The following MEF2A variants were observed in gnomAD, a reference collection of about 807,000 sequenced individuals.
MEF2A encodes myocyte-specific enhancer factor 2A.
Under a neutral mutation model 55.8 loss-of-function variants are expected in MEF2A, and 28 were observed. The observed-to-expected ratio is 0.50, with a 90% CI of 0.37 to 0.69. The LOEUF (loss-of-function observed/expected upper bound fraction) is 0.69. MEF2A is among the 30% of genes least tolerant of loss of function. The pLI, the probability that MEF2A is intolerant of heterozygous loss-of-function variation, is 0.00. For synonymous variants in MEF2A, 239 were observed against 227.1 expected (o/e 1.05, Z -0.47); for missense variants, 528 against 626.2 (o/e 0.84, Z 1.67).
rs1422069737 is a variant in MEF2A, at chr15:99,679,327, C to CT, written c.670+3870dup. Among the ~76,000 whole-genome samples the CT allele has an allele frequency of 3.9e-5, 6 of 152,310 alleles. No homozygotes were observed. In the East Asian group the frequency reaches 9.6e-4, roughly 24 times the overall value. ...CATTGTCTAGAAATAGTACAGATCTCTGTCAACAGTAGAATGGATAAATAT... is the reference window on the plus strand; with the variant it reads ...CATTGTCTAGAAATAGTACAGATCTCTTGTCAACAGTAGAATGGATAAATAT... On this transcript the variant is annotated intron_variant, in intron 7 of 11. Coordinates refer to ENST00000557942, the MANE Select transcript of MEF2A (RefSeq NM_001319206.4).
In MEF2A at chr15:99,686,930, T is replaced by A. The variant is rs550858122; in HGVS notation, c.671-3311T>A. On this transcript the variant is annotated intron_variant, in intron 7 of 11. Transcript: ENST00000557942. ...CATTTTTGTTTTTTGATTTTTTTTT[T>A]AATTTGTCTTTGTTCGATTGGATTA... 5.9e-5 allele frequency among the ~76,000 whole-genome samples: 9 copies of A among 151,914 alleles called. No individual in the cohort carries two copies. The East Asian group carries it at 9.7e-4, about 16-fold the overall frequency.
At position 99,637,310 on chromosome 15, in the gene MEF2A, A is replaced by G. The variant is rs115758390; in HGVS notation, c.54+4137A>G. On this transcript the variant is annotated intron_variant, in intron 3 of 11. Coordinates refer to ENST00000557942, the MANE Select transcript of MEF2A (RefSeq NM_001319206.4). ...CAGTGTCAAGTCTTGTAATCTATGA[A>G]CATGTTTGTATTTCATTTGGTTTTC... is the stretch of plus-strand genomic sequence containing the variant. Among the ~76,000 whole-genome samples, 516 of 152,246 alleles carry G rather than the reference A, an allele frequency of 3.4e-3. 3 individuals carry two copies. The highest frequency in any genetic ancestry group is 0.011 in the African/African-American group (470 of 41,556).
At chr15:99,567,350 A>G in intron 1 of MEF2A, among the ~76,000 whole-genome samples, 1 of 152,266 alleles carries the variant, frequency 6.6e-6, no homozygotes. Context: ...ATCATCTATT[A>G]CTATATGAAG....
chr15:99,670,263 G>GA (rs369246024), intron 4 of MEF2A, among the ~76,000 whole-genome samples: 48 of 150,904 alleles, frequency 3.2e-4, no homozygotes, highest in Non-Finnish European at 5.8e-4. Flanking sequence ...ATTATACTAA[G>GA]AAAAAAAAAG....
intron 4 of MEF2A, among the ~76,000 whole-genome samples, chr15:99,658,310 A>G (rs2048079732): frequency 1.3e-5 from 2 of 152,352 alleles, no homozygotes; most frequent in South Asian, 2.1e-4. Context: ...TGCAGTAAAC[A>G]TGGTGGAAGT....
chr15:99,598,801 GAA>G (rs1443191354), intron 2 of MEF2A, among the ~76,000 whole-genome samples: 3 of 151,834 alleles, frequency 2.0e-5, no homozygotes, highest in Non-Finnish European at 4.4e-5. Flanking sequence ...TTTGAAGAAA[GAA>G]GAAAAAAAAT....
chr15:99,637,681 C>T (rs751176260), intron 3 of MEF2A, among the ~76,000 whole-genome samples: 8 of 151,872 alleles, frequency 5.3e-5, no homozygotes, highest in Non-Finnish European at 1.2e-4. Context: ...CTCGCTCTGT[C>T]GCCCAGGATG....
rs112032286 is a variant in MEF2A, at chr15:99,629,286, G to C, written c.-142-3692G>C. ...AAAATCCTAAGGAAATTGAACACTC[G>C]AACAAAGGATTCTTAGCAAAGCAAT... On this transcript the variant is annotated intron_variant, in intron 2 of 11. Coordinates refer to ENST00000557942, the MANE Select transcript of MEF2A (RefSeq NM_001319206.4). 2.0e-5 allele frequency among the ~76,000 whole-genome samples: 3 copies of C among 152,058 alleles called. No individual in the cohort carries two copies. In the East Asian group the frequency reaches 5.8e-4, roughly 29 times the overall value.
At chr15:99,596,903 G>T (rs992522674) in intron 1 of MEF2A, among the ~76,000 whole-genome samples, 4 of 152,164 alleles carry the variant, frequency 2.6e-5, no homozygotes, top group Non-Finnish European at 5.9e-5. Context: ...GGATTGTGAA[G>T]ATTTCATGGA....
chr15:99,679,217 T>G (rs2052725092), intron 7 of MEF2A, among the ~76,000 whole-genome samples: 1 of 152,222 alleles, frequency 6.6e-6, no homozygotes, highest in Non-Finnish European at 1.5e-5. Flanking sequence ...TTTTCACTCA[T>G]CCTTATGTAC....
rs1265683030 is a variant in MEF2A at position 99,713,326 on chromosome 15, AAAAC to A, written c.*563_*566del. The A allele has an allele frequency of 1.9e-5, 5 of 268,670 alleles. No homozygotes were observed. Among genetic ancestry groups the A allele is most frequent in the African/African-American group, 8.8e-5 (4 of 45,680 alleles). The allele number at this position is 268,670 out of a possible 1,614,324, so 16.6% of individuals were successfully genotyped here. On this transcript the variant is annotated 3_prime_UTR_variant, in exon 12 of 12. Transcript: ENST00000557942. ...GCATGGGAAAGGGCTGTTGATATTA[AAAAC>A]AAACAAAACAAAAAAGCCCCACACA...
At chr15:99,676,540 C>T (rs1381589250) in intron 7 of MEF2A, among the ~76,000 whole-genome samples, 1 of 151,652 alleles carries the variant, frequency 6.6e-6, no homozygotes, top group Non-Finnish European at 1.5e-5. Flanking sequence ...CAGTTCTTCT[C>T]AGTAGTGACA....
chr15:99,653,293 A>G (rs2047151263), intron 4 of MEF2A, among the ~76,000 whole-genome samples: 1 of 152,214 alleles, frequency 6.6e-6, no homozygotes, highest in African/African-American at 2.4e-5. Flanking sequence ...AAAATTAAAG[A>G]GACAGCTGTA....
At chr15:99,706,275 C>A (rs566637643) in intron 9 of MEF2A, among the ~76,000 whole-genome samples, 2 of 152,344 alleles carry the variant, frequency 1.3e-5, no homozygotes, top group South Asian at 4.1e-4. Flanking sequence ...GACTTCAAAC[C>A]GTGTTAACAC....
chr15:99,596,363 T>G (rs1971169465), intron 1 of MEF2A, among the ~76,000 whole-genome samples: 1 of 152,136 alleles, frequency 6.6e-6, no homozygotes, highest in Non-Finnish European at 1.5e-5. Context: ...AAAGCTGAAA[T>G]TGGTGTTTTA....
intron 7 of MEF2A, among the ~76,000 whole-genome samples, chr15:99,684,928 G>A (rs117340506): frequency 0.029 from 4,341 of 152,242 alleles, 82 homozygotes; most frequent in Non-Finnish European, 0.044. Flanking sequence ...TATTATGCCA[G>A]CACCATTTGC....
At chr15:99,571,609 T>C (rs1052989661) in intron 1 of MEF2A, among the ~76,000 whole-genome samples, 8 of 152,350 alleles carry the variant, frequency 5.3e-5, no homozygotes, top group African/African-American at 1.9e-4. Context: ...TGATGACTAC[T>C]ACTTTTATTT....
intron 2 of MEF2A, among the ~76,000 whole-genome samples, chr15:99,619,200 G>A (rs2040722544): frequency 6.6e-6 from 1 of 152,192 alleles, no homozygotes; most frequent in African/African-American, 2.4e-5. Flanking sequence ...GCAAGTAGCA[G>A]CCAGACTCCT....
At chr15:99,702,271 G>T (rs2057483306) in intron 8 of MEF2A, among the ~76,000 whole-genome samples, 1 of 152,140 alleles carries the variant, frequency 6.6e-6, no homozygotes, top group Admixed American at 6.5e-5. Flanking sequence ...CCTTCTTCCA[G>T]ATTAGGGCTT....
Sources: gnomAD v4.1 joint callset for allele counts (sites outside exome capture counted in the v4.1 genomes callset) on GRCh38, gnomAD v4.1.1 for gene constraint, MANE v1.5 for transcripts, NCBI Gene and HGNC (gene_info 2026-07-23, HGNC 2026-07-21) for gene names.